ASB4: variants seen among roughly 807,000 people sequenced by gnomAD.
ASB4 encodes the protein ankyrin repeat and SOCS box protein 4.
In ASB4, 35 loss-of-function variants were observed where a neutral mutation model predicts 38.6. The observed-to-expected ratio is 0.91, with a 90% CI of 0.69 to 1.20. The LOEUF is 1.20. ASB4 is among the 50% of genes most tolerant of loss of function. ASB4 has a pLI of 0.00. For missense variants in ASB4, 557 were observed against 527.2 expected (o/e 1.06, Z -0.55); for synonymous variants, 195 against 201.3 (o/e 0.97, Z 0.26).
Position 95,486,100 on chromosome 7 carries a change from T to A in ASB4, c.129T>A (p.Asp43Glu), listed in dbSNP as rs1301615693. 6.2e-7 allele frequency: 1 copy of A among 1,614,184 alleles called. No individual in the cohort carries two copies. The highest frequency in any genetic ancestry group is 8.5e-7 in the Non-Finnish European group (1 of 1,180,014). The change falls in exon 1 of 5, where the codon GAT becomes GAA. Residue 43 changes from aspartate (D) to glutamate (E), a missense_variant. Asp to Glu is a conservative substitution (Grantham distance 45). Transcript: ENST00000325885. ...LKAILIQRQI[D>E]VDTVFEVEDE... ...CTATTTTGATCCAAAGGCAAATAGATGTGGACACTGTTTTTGAAGTCGAAG... is the reference window on the plus strand; with the variant it reads ...CTATTTTGATCCAAAGGCAAATAGAAGTGGACACTGTTTTTGAAGTCGAAG...
chr7:95,518,258 A>T (rs1161700816), intron 2 of ASB4, among the ~76,000 whole-genome samples: 2 of 152,252 alleles, frequency 1.3e-5, no homozygotes, highest in Non-Finnish European at 2.9e-5. Context: ...CTTCTAGCTA[A>T]TGACATATGA....
Position 95,527,987 on chromosome 7 carries a change from G to T in ASB4, c.662G>T (p.Arg221Leu), listed in dbSNP as rs771336747. The T allele has an allele frequency of 8.7e-6, 14 of 1,614,072 alleles. No homozygotes were observed. Among genetic ancestry groups the T allele is most frequent in the Non-Finnish European group, 1.2e-5 (14 of 1,180,016 alleles). The part of the protein sequence containing the change: ...PLAIAAYWAL[R>L]FKEQEYSTEH... ...GCCATCGCCGCCTACTGGGCCCTCC[G>T]CTTTAAGGAGCAGGAGTACAGCACG... Residue 221 changes from arginine (R) to leucine (L), a missense_variant, in exon 3 of 5, where the codon CGC (arginine) becomes CTC (leucine). By Grantham distance (102) the Arg-to-Leu change is moderately radical. Transcript: ENST00000325885.
intron 2 of ASB4, among the ~76,000 whole-genome samples, chr7:95,513,560 T>C (rs1790515232): frequency 6.6e-6 from 1 of 152,112 alleles, no homozygotes; most frequent in South Asian, 2.1e-4. Flanking sequence ...TGTTTTTAAC[T>C]CAAAGTTTGC....
chr7:95,532,400 A>AT (rs989986115), intron 3 of ASB4, among the ~76,000 whole-genome samples: 8 of 151,584 alleles, frequency 5.3e-5, no homozygotes, highest in African/African-American at 1.5e-4. Context: ...AGGACATTTG[A>AT]TTTTTTTTTC....
chr7:95,501,950 G>A (rs1696903091), intron 2 of ASB4, among the ~76,000 whole-genome samples: 1 of 152,124 alleles, frequency 6.6e-6, no homozygotes, highest in Non-Finnish European at 1.5e-5. Context: ...AAAGAAAATA[G>A]AGATAAATTA....
At chr7:95,491,097 C>T (rs1399458984) in intron 1 of ASB4, among the ~76,000 whole-genome samples, 2 of 152,164 alleles carry the variant, frequency 1.3e-5, no homozygotes, top group Non-Finnish European at 1.5e-5. Context: ...TGACAAGACC[C>T]TCTCTAAGTT....
At chr7:95,496,136 C>A in intron 2 of ASB4, 79 bp downstream of exon 2, 1 of 1,352,276 alleles carries the variant, frequency 7.4e-7, no homozygotes, top group Non-Finnish European at 1.0e-6. Flanking sequence ...CTACCTACCC[C>A]AGATGATGTA....
intron 1 of ASB4, among the ~76,000 whole-genome samples, chr7:95,492,586 T>C (rs1341987857): frequency 6.6e-6 from 1 of 152,234 alleles, no homozygotes; most frequent in African/African-American, 2.4e-5. Flanking sequence ...CCTCCAGCGC[T>C]AACATTCTGT....
chr7:95,485,642 C>T (rs1225168792), upstream of ASB4, among the ~76,000 whole-genome samples: 1 of 152,132 alleles, frequency 6.6e-6, no homozygotes, highest in African/African-American at 2.4e-5. Flanking sequence ...GCATTAAGAG[C>T]TTTTAAATCT....
chr7:95,538,894 A>T lies in ASB4; in HGVS notation c.*1135A>T, dbSNP rs1008467012. On this transcript the variant is annotated 3_prime_UTR_variant, in exon 5 of 5. Coordinates refer to ENST00000325885, the MANE Select transcript of ASB4 (RefSeq NM_016116.3). Reference sequence around the variant, plus strand: ...GCTAAGAGATAAGGAGCACTTTGCTAGTGACAGTGGGCTACGAAAAGTAAA... The same window carrying T: ...GCTAAGAGATAAGGAGCACTTTGCTTGTGACAGTGGGCTACGAAAAGTAAA... 6.6e-6 allele frequency: 1 copy of T among 152,222 alleles called. No individual in the cohort carries two copies. Among genetic ancestry groups the T allele is most frequent in the African/African-American group, 2.4e-5 (1 of 41,454 alleles). 9.4% of individuals were successfully genotyped at this position (152,222 alleles called of 1,614,324 possible).
chr7:95,499,573 T>G (rs994717676), intron 2 of ASB4, among the ~76,000 whole-genome samples: 4 of 152,124 alleles, frequency 2.6e-5, no homozygotes, highest in African/African-American at 9.7e-5. Context: ...AAGCCAGATT[T>G]GAATGGTATA....
At chr7:95,485,622 G>GA (rs1372662695), upstream of ASB4, among the ~76,000 whole-genome samples, 2 of 151,928 alleles carry the variant, frequency 1.3e-5, no homozygotes, top group African/African-American at 2.4e-5. Context: ...TTATTGAGGG[G>GA]AAAAAAAGAG....
intron 2 of ASB4, among the ~76,000 whole-genome samples, chr7:95,515,359 C>CTTTCT (rs1250218941): frequency 9.9e-6 from 1 of 101,484 alleles, no homozygotes; most frequent in Non-Finnish European, 2.1e-5. Flanking sequence ...CTTTTTCTTT[C>CTTTCT]TTTCTTTTCT....
chr7:95,513,369 T>C (rs1037423708), intron 2 of ASB4, among the ~76,000 whole-genome samples: 12 of 145,988 alleles, frequency 8.2e-5, no homozygotes, highest in Non-Finnish European at 1.8e-4. Context: ...TTTTAAGGAA[T>C]TGGCTCATGC....
chr7:95,496,101 T>C, intron 2 of ASB4, 44 bp downstream of exon 2: 22 of 1,560,934 alleles, frequency 1.4e-5, no homozygotes, highest in Non-Finnish European at 1.9e-5. Flanking sequence ...GCTTGTACAC[T>C]CATGGTTTCA....
chr7:95,507,789 G>T (rs1790430256), intron 2 of ASB4, among the ~76,000 whole-genome samples: 1 of 152,176 alleles, frequency 6.6e-6, no homozygotes, highest in Non-Finnish European at 1.5e-5. Context: ...TTTCCCATAT[G>T]AAGAGAGTAT....
At chr7:95,513,880 T>C (rs1052333086) in intron 2 of ASB4, among the ~76,000 whole-genome samples, 11 of 152,302 alleles carry the variant, frequency 7.2e-5, no homozygotes, top group African/African-American at 2.6e-4. Context: ...GAGGAATTGG[T>C]CATCTGTCTG....
upstream of ASB4, among the ~76,000 whole-genome samples, chr7:95,481,979 C>T (rs43065): frequency 0.22 from 33,602 of 152,084 alleles, 3,737 homozygotes; most frequent in Middle Eastern, 0.33. Context: ...ATTTGACCTC[C>T]TGAGGTGAGT....
intron 2 of ASB4, among the ~76,000 whole-genome samples, chr7:95,513,981 TC>T (rs766285736): frequency 5.3e-5 from 8 of 152,290 alleles, no homozygotes; most frequent in Non-Finnish European, 8.8e-5. Context: ...CCCTCACAAC[TC>T]CTGGACCTCC....
Sources: allele counts gnomAD v4.1 joint callset (sites outside exome capture counted in the v4.1 genomes callset), GRCh38; gene constraint gnomAD v4.1.1; transcripts MANE v1.5; gene names NCBI Gene and HGNC (gene_info 2026-07-23, HGNC 2026-07-21).